SLC16A4: variants seen among roughly 807,000 people sequenced by gnomAD.
The protein encoded by SLC16A4 is solute carrier family 16 member 4.
Under a neutral mutation model 47.9 loss-of-function variants are expected in SLC16A4, and 39 were observed. That is an observed-to-expected ratio of 0.81 (90% CI 0.63 to 1.06). SLC16A4 has a LOEUF of 1.06. Ranked by LOEUF, SLC16A4 falls within the 50% of genes least tolerant of loss-of-function variation. The pLI is 0.00. For missense variants in SLC16A4, 524 were observed against 573.8 expected (o/e 0.91, Z 0.89); for synonymous variants, 189 against 199.9 (o/e 0.95, Z 0.46).
chr1:110,381,724 T>C lies in SLC16A4; in HGVS notation c.292A>G (p.Thr98Ala), dbSNP rs1227185600. 1 of 1,613,772 alleles carries C rather than the reference T, an allele frequency of 6.2e-7. No homozygotes were observed. The highest frequency in any genetic ancestry group is 1.7e-5 in the Admixed American group (1 of 59,948). The change falls in exon 4 of 9, where the codon ACT becomes GCT. Residue 98 changes from threonine to alanine, a missense_variant. Physicochemically the swap from Thr to Ala is moderately conservative, Grantham distance 58. Transcript: ENST00000369779. ...TTSILGAFVV[T>A]GGYLISSWAT... ...CAGCTGCTGATCAGATATCCACCAGTAACAACGAAAGCCCCAAGAATGGAG... is the reference window on the plus strand; with the variant it reads ...CAGCTGCTGATCAGATATCCACCAGCAACAACGAAAGCCCCAAGAATGGAG...
chr1:110,390,295 A>G (rs1020318795), intron 1 of SLC16A4, among the ~76,000 whole-genome samples: 2 of 152,094 alleles, frequency 1.3e-5, no homozygotes, highest in Admixed American at 6.5e-5. Flanking sequence ...CTCCGGGTGA[A>G]CTCTTAAGAG....
intron 8 of SLC16A4, among the ~76,000 whole-genome samples, chr1:110,369,618 G>C (rs1308375084): frequency 6.6e-6 from 1 of 152,040 alleles, no homozygotes; most frequent in East Asian, 1.9e-4. Context: ...AAACTTAGAA[G>C]GTCCTTAATT....
intron 8 of SLC16A4, among the ~76,000 whole-genome samples, chr1:110,366,248 C>T (rs1460803707): frequency 1.3e-5 from 2 of 151,988 alleles, no homozygotes; most frequent in African/African-American, 4.8e-5. Flanking sequence ...ACCTCCGACC[C>T]GCAGGTTCAA....
Position 110,363,600 on chromosome 1 carries a change from T to C in SLC16A4, c.*166A>G, listed in dbSNP as rs1209580347. 5.3e-6 allele frequency: 3 copies of C among 563,546 alleles called. No individual in the cohort carries two copies. Among genetic ancestry groups the C allele is most frequent in the Non-Finnish European group, 8.1e-6 (3 of 368,132 alleles). The allele number at this position is 563,546 out of a possible 1,614,324, so 34.9% of individuals were successfully genotyped here. ...GAGATTGCGCCACTGCACTCCAGCC[T>C]GGGCGAAAGAGCGAGACTCCGTCTC... is the stretch of plus-strand genomic sequence containing the variant. On this transcript the variant is annotated 3_prime_UTR_variant, in exon 9 of 9. Coordinates refer to ENST00000369779, the MANE Select transcript of SLC16A4 (RefSeq NM_004696.3).
rs543529670 is a variant in SLC16A4 at position 110,384,945 on chromosome 1, C to T, written c.88-1979G>A. On this transcript the variant is annotated intron_variant, in intron 2 of 8. Transcript: ENST00000369779. ...GGAGGAACACCTGAACCTGGGAGGTCGAGGGTACGGTGAGTTGTGATCACA... is the reference window on the plus strand; with the variant it reads ...GGAGGAACACCTGAACCTGGGAGGTTGAGGGTACGGTGAGTTGTGATCACA... 3.3e-5 allele frequency among the ~76,000 whole-genome samples: 5 copies of T among 152,188 alleles called. No homozygotes were observed. The East Asian group carries it at 7.7e-4, about 24-fold the overall frequency.
In SLC16A4 at chr1:110,379,281, T is replaced by C; in HGVS notation, c.602A>G (p.Lys201Arg). ...SSMLLRPIHI[K>R]SENNSGIKDK... Reference sequence around the variant, plus strand: ...TTTAATACCAGAATTGTTCTCACTTTTGATATGGATGGGTCTTAAGAGCAT... The same window carrying C: ...TTTAATACCAGAATTGTTCTCACTTCTGATATGGATGGGTCTTAAGAGCAT... Residue 201 changes from lysine (K) to arginine (R), a missense_variant, in exon 6 of 9, where the codon AAA becomes AGA. Transcript: ENST00000369779. The C allele has an allele frequency of 6.2e-7, 1 of 1,614,134 alleles. No homozygotes were observed. The highest frequency in any genetic ancestry group is 8.5e-7 in the Non-Finnish European group (1 of 1,179,984).
At chr1:110,375,931 G>T (rs1263271258) in intron 7 of SLC16A4, among the ~76,000 whole-genome samples, 3 of 152,066 alleles carry the variant, frequency 2.0e-5, no homozygotes, top group Non-Finnish European at 4.4e-5. Context: ...CCAGAGTGGA[G>T]TGCAGTGGTG....
At chr1:110,373,869 G>A (rs1661822150) in intron 8 of SLC16A4, among the ~76,000 whole-genome samples, 1 of 150,894 alleles carries the variant, frequency 6.6e-6, no homozygotes, top group Non-Finnish European at 1.5e-5. Flanking sequence ...TAGAGATGGT[G>A]CCTCACTATC....
chr1:110,372,601 C>T (rs1661741989), intron 8 of SLC16A4: 1 of 152,136 alleles, frequency 6.6e-6, no homozygotes, highest in South Asian at 2.1e-4. Flanking sequence ...GGAGGAATGA[C>T]TTAGAGGAAC....
intron 8 of SLC16A4, chr1:110,371,634 C>T (rs1363660679): frequency 6.6e-6 from 1 of 152,120 alleles, no homozygotes; most frequent in African/African-American, 2.4e-5. Flanking sequence ...ATCTTTGTGC[C>T]AGTGTGTGGC....
chr1:110,383,816 T>TTTTTTTTG lies in SLC16A4; in HGVS notation c.88-851_88-850insCAAAAAAA, dbSNP rs1557913658. ...GCTGTTAAAAGGAGGTTTTTTTTTT[T>TTTTTTTTG]TTTTTTTTTTTTTTTTGGAAACGGC... On this transcript the variant is annotated intron_variant, in intron 2 of 8. Coordinates refer to ENST00000369779, the MANE Select transcript of SLC16A4 (RefSeq NM_004696.3). 2.7e-5 allele frequency among the ~76,000 whole-genome samples: 3 copies of TTTTTTTTG among 109,246 alleles called. No individual in the cohort carries two copies. The East Asian group carries it at 7.7e-4, about 28-fold the overall frequency. The allele number at this position is 109,246 out of a possible 152,430, so 71.7% of individuals were successfully genotyped here. A position where few individuals can be genotyped will look rare whatever the true frequency, so the allele number is the denominator to read the frequency against.
At chr1:110,372,433 A>C (rs148855309) in intron 8 of SLC16A4, 1 of 152,336 alleles carries the variant, frequency 6.6e-6, no homozygotes, top group Non-Finnish European at 1.5e-5. Flanking sequence ...AATTCAATTA[A>C]AGACTTTTGA....
At chr1:110,382,990 C>T (rs761841459) in intron 2 of SLC16A4, 24 bp from the exon 3 acceptor site, 1 of 1,568,342 alleles carries the variant, frequency 6.4e-7, no homozygotes, top group South Asian at 1.2e-5. Flanking sequence ...GACCAGAGTC[C>T]AACTCAGGTG....
At chr1:110,368,350 T>C (rs750880465) in intron 8 of SLC16A4, among the ~76,000 whole-genome samples, 15 of 152,238 alleles carry the variant, frequency 9.9e-5, no homozygotes, top group Non-Finnish European at 1.9e-4. Context: ...CTGGTATTAC[T>C]GTATGTAGCC....
At chr1:110,367,630 A>T (rs915946119) in intron 8 of SLC16A4, among the ~76,000 whole-genome samples, 1 of 152,104 alleles carries the variant, frequency 6.6e-6, no homozygotes, top group African/African-American at 2.4e-5. Flanking sequence ...CAGGAGGTTG[A>T]GGCTACAGTG....
At chr1:110,376,817 G>A (rs1662030283) in intron 7 of SLC16A4, 133 bp downstream of exon 7, 2 of 732,114 alleles carry the variant, frequency 2.7e-6, no homozygotes, top group East Asian at 5.5e-5. Flanking sequence ...GGATATAGCT[G>A]CAGAGTTTCT....
At chr1:110,365,414 CTG>C (rs1661328089) in intron 8 of SLC16A4, among the ~76,000 whole-genome samples, 1 of 151,976 alleles carries the variant, frequency 6.6e-6, no homozygotes. Flanking sequence ...TTTTATAGCT[CTG>C]TGTTTCCTAT....
intron 8 of SLC16A4, among the ~76,000 whole-genome samples, chr1:110,364,593 C>T (rs1436505236): frequency 6.6e-6 from 1 of 150,786 alleles, no homozygotes; most frequent in Non-Finnish European, 1.5e-5. Flanking sequence ...TTACTGCAAC[C>T]TCCACCTCCT....
intron 1 of SLC16A4, 50 bp from the exon 2 acceptor site, chr1:110,389,405 A>G: frequency 9.2e-7 from 1 of 1,090,830 alleles, no homozygotes; most frequent in East Asian, 2.4e-5. Flanking sequence ...ACTAATCTAA[A>G]CTTTTAAACT....
Sources: allele counts gnomAD v4.1 joint callset (sites outside exome capture counted in the v4.1 genomes callset), GRCh38; gene constraint gnomAD v4.1.1; transcripts MANE v1.5; gene names NCBI Gene and HGNC (gene_info 2026-07-23, HGNC 2026-07-21).